Variants in SLMAP observed in about 807,000 individuals in gnomAD.
The protein encoded by SLMAP is sarcolemma associated protein.
SLMAP carries 44 observed loss-of-function variants against 128.8 expected under a neutral mutation model. The ratio of observed to expected loss-of-function variants is 0.34; its 90% confidence interval spans 0.27 to 0.44. The LOEUF is 0.44. Ranked by LOEUF, SLMAP falls within the 20% of genes least tolerant of loss-of-function variation. The pLI is 1.00. For synonymous variants in SLMAP, 327 were observed against 348.8 expected, an observed-to-expected ratio of 0.94 and a Z score of 0.70; for missense variants, 787 against 985.3, an observed-to-expected ratio of 0.80 and a Z score of 2.69.
intron 2 of SLMAP, among the ~76,000 whole-genome samples, chr3:57,767,345 A>G (rs1006915658): frequency 1.3e-5 from 2 of 152,250 alleles, no homozygotes; most frequent in Non-Finnish European, 2.9e-5. Flanking sequence ...AATGAGGGAA[A>G]TGTGAACAAT....
intron 12 of SLMAP, among the ~76,000 whole-genome samples, 176 bp downstream of exon 12, chr3:57,865,033 A>C (rs889372081): frequency 6.6e-6 from 1 of 152,100 alleles, no homozygotes; most frequent in African/African-American, 2.4e-5. Flanking sequence ...AGTGGGCACC[A>C]TTGTTTTCCT....
chr3:57,784,789 T>C (rs1201203106), intron 2 of SLMAP, among the ~76,000 whole-genome samples: 1 of 152,110 alleles, frequency 6.6e-6, no homozygotes, highest in East Asian at 1.9e-4. Flanking sequence ...GCAACAGCAT[T>C]GGGAGGTGGG....
intron 2 of SLMAP, among the ~76,000 whole-genome samples, chr3:57,777,270 A>G (rs1289521833): frequency 6.6e-6 from 1 of 152,176 alleles, no homozygotes; most frequent in Non-Finnish European, 1.5e-5. Context: ...TTTTAAAAAA[A>G]GAAATTTGAC....
intron 2 of SLMAP, among the ~76,000 whole-genome samples, chr3:57,826,122 T>C (rs954251658): frequency 6.6e-6 from 1 of 152,196 alleles, no homozygotes; most frequent in Admixed American, 6.5e-5. Context: ...ATCACTCTTG[T>C]GAGCCTTCTA....
rs1242009428 is a variant in SLMAP, at chr3:57,929,506, TAA to T, written c.*2218_*2219del. On this transcript the variant is annotated 3_prime_UTR_variant, in exon 25 of 25. Transcript: ENST00000671191. The stretch of plus-strand genomic sequence containing the variant: ...TTCCAGTTTTCCTCAAGAATAGAAA[TAA>T]GTCTGTTCATAAGCAATACCTTCAG... Among the ~76,000 whole-genome samples the T allele has an allele frequency of 2.6e-5, 4 of 152,218 alleles. No homozygotes were observed. The highest frequency in any genetic ancestry group is 4.4e-5 in the Non-Finnish European group (3 of 68,016).
intron 2 of SLMAP, among the ~76,000 whole-genome samples, chr3:57,774,023 A>G (rs918742385): frequency 1.3e-5 from 2 of 152,188 alleles, no homozygotes; most frequent in African/African-American, 4.8e-5. Flanking sequence ...TTATGATGAA[A>G]ATATTGTATG....
intron 2 of SLMAP, among the ~76,000 whole-genome samples, chr3:57,788,304 A>C (rs1347627521): frequency 6.6e-6 from 1 of 152,230 alleles, no homozygotes; most frequent in Non-Finnish European, 1.5e-5. Flanking sequence ...TTTAAGTAAT[A>C]GAATCACATG....
intron 4 of SLMAP, among the ~76,000 whole-genome samples, chr3:57,845,613 G>T (rs6767400): frequency 6.6e-6 from 1 of 151,808 alleles, no homozygotes; most frequent in Admixed American, 6.6e-5. Context: ...GCTGGTAGAG[G>T]TCATGCGTGG....
chr3:57,801,061 GCCAGAGC>G (rs1335193286), intron 2 of SLMAP: 2 of 190,496 alleles, frequency 1.0e-5, no homozygotes, highest in Non-Finnish European at 2.2e-5. Context: ...TAAAGCTAAA[GCCAGAGC>G]CTAATAGGCT....
chr3:57,818,767 A>G (rs1294525252), intron 2 of SLMAP, among the ~76,000 whole-genome samples: 3 of 152,240 alleles, frequency 2.0e-5, no homozygotes, highest in African/African-American at 7.2e-5. Context: ...AAAACTTCAT[A>G]CTTTCATAAG....
intron 15 of SLMAP, among the ~76,000 whole-genome samples, chr3:57,894,279 A>G (rs2096178477): frequency 6.6e-6 from 1 of 152,218 alleles, no homozygotes; most frequent in Non-Finnish European, 1.5e-5. Context: ...GCAATTAAAA[A>G]TTCATAGATA....
At chr3:57,904,265 A>G (rs973861948) in intron 17 of SLMAP, among the ~76,000 whole-genome samples, 1 of 152,160 alleles carries the variant, frequency 6.6e-6, no homozygotes, top group Non-Finnish European at 1.5e-5. Context: ...CTACCAAAAA[A>G]CTACAAATCT....
chr3:57,913,636 A>G (rs995500193), intron 21 of SLMAP, among the ~76,000 whole-genome samples: 1 of 152,202 alleles, frequency 6.6e-6, no homozygotes, highest in Non-Finnish European at 1.5e-5. Flanking sequence ...TTCTTTTAGT[A>G]AACGTGATCA....
intron 2 of SLMAP, among the ~76,000 whole-genome samples, chr3:57,763,437 G>A (rs1262614039): frequency 2.0e-5 from 3 of 151,894 alleles, no homozygotes; most frequent in Non-Finnish European, 4.4e-5. Flanking sequence ...ACCACGCCCA[G>A]CTACTGTTTT....
At chr3:57,905,940 C>G (rs1287920340) in intron 17 of SLMAP, among the ~76,000 whole-genome samples, 2 of 150,836 alleles carry the variant, frequency 1.3e-5, no homozygotes, top group African/African-American at 2.4e-5. Flanking sequence ...TTGAAAAACT[C>G]GATCACAGAG....
intron 2 of SLMAP, chr3:57,801,081 GA>G (rs1263054289): frequency 2.5e-5 from 4 of 163,158 alleles, no homozygotes; most frequent in African/African-American, 9.6e-5. Context: ...AATAGGCTGT[GA>G]TGAGATGATC....
chr3:57,857,680 CA>C, intron 6 of SLMAP, 52 bp from the exon 7 acceptor site: 3 of 1,216,756 alleles, frequency 2.5e-6, no homozygotes, highest in Non-Finnish European at 3.6e-6. Context: ...GATCACTCCT[CA>C]AAAGAATCAT....
At chr3:57,833,023 C>T (rs2093432442) in intron 3 of SLMAP, among the ~76,000 whole-genome samples, 1 of 152,156 alleles carries the variant, frequency 6.6e-6, no homozygotes. Context: ...AAACCGAGCT[C>T]ATTAAATGGA....
intron 19 of SLMAP, among the ~76,000 whole-genome samples, chr3:57,910,442 A>G (rs2096666510): frequency 6.6e-6 from 1 of 152,136 alleles, no homozygotes; most frequent in Non-Finnish European, 1.5e-5. Context: ...TTGGCCTCCC[A>G]AAGTGCAGAG....
Sources: allele counts gnomAD v4.1 joint callset (sites outside exome capture counted in the v4.1 genomes callset), GRCh38; gene constraint gnomAD v4.1.1; transcripts MANE v1.5; gene names NCBI Gene and HGNC (gene_info 2026-07-23, HGNC 2026-07-21).